LANCL3: variants seen among roughly 807,000 people sequenced by gnomAD.
LANCL3 encodes LanC like family member 3, also known as lanC-like protein 3.
Under a neutral mutation model 26.5 loss-of-function variants are expected in LANCL3, and 19 were observed. The ratio of observed to expected loss-of-function variants is 0.72; its 90% CI spans 0.50 to 1.05. The LOEUF (loss-of-function observed/expected upper bound fraction) is 1.05. LANCL3 is among the 50% of genes least tolerant of loss of function. LANCL3 has a pLI of 0.00. For missense variants in LANCL3, 318 were observed against 362.7 expected (o/e 0.88, Z 1.00); for synonymous variants, 160 against 166.6 (o/e 0.96, Z 0.30).
chrX:37,632,879 C>T lies in LANCL3; in HGVS notation c.574-22809C>T, dbSNP rs781822266. Among the ~76,000 whole-genome samples the T allele has an allele frequency of 1.8e-3, 202 of 111,501 alleles. 1 individual carries two copies. Among genetic ancestry groups the T allele is most frequent in the African/African-American group, 6.5e-3 (200 of 30,691 alleles). On this transcript the variant is annotated intron_variant, in intron 1 of 4. Transcript: ENST00000378619. ...TAACCCGACCTTTCTCTCTGGCTGC[C>T]CTTAACATTTTTTCCTTCATTTCAA...
Position 37,675,651 on chromosome X carries a change from T to G in LANCL3, c.1104-3T>G. 1 of 1,113,553 alleles carries G rather than the reference T, an allele frequency of 9.0e-7. No homozygotes were observed. The highest frequency in any genetic ancestry group is 1.2e-6 in the Non-Finnish European group (1 of 843,620). The allele number at this position is 1,113,553 out of a possible 1,213,427, so 91.8% of individuals were successfully genotyped here. ...AACTGTTCATATTTTCTTCTTCTCT[T>G]AGGTTTGCTCAATTCTTATTTACCG... is the stretch of plus-strand genomic sequence containing the variant. On this transcript the variant is annotated splice_region_variant and splice_polypyrimidine_tract_variant and intron_variant, in intron 4 of 4. Coordinates refer to ENST00000378619, the MANE Select transcript of LANCL3 (RefSeq NM_001170331.2).
intron 1 of LANCL3, among the ~76,000 whole-genome samples, chrX:37,603,692 T>A (rs1294742237): frequency 2.7e-5 from 3 of 112,243 alleles, no homozygotes; most frequent in African/African-American, 9.7e-5. Context: ...CTACTTGGTG[T>A]GACTTTGAAA....
chrX:37,662,460 A>G (rs1222587393), intron 3 of LANCL3, among the ~76,000 whole-genome samples: 1 of 111,815 alleles, frequency 8.9e-6, no homozygotes, highest in Admixed American at 9.5e-5. Context: ...ATAAAGAACA[A>G]CAAGGCTTTT....
At chrX:37,671,615 G>T (rs1926686310) in intron 4 of LANCL3, among the ~76,000 whole-genome samples, 1 of 110,335 alleles carries the variant, frequency 9.1e-6, no homozygotes, top group Non-Finnish European at 1.9e-5. Context: ...CCATTAGGAT[G>T]CCAGGTACAC....
chrX:37,621,151 C>T (rs1925146470), intron 1 of LANCL3, among the ~76,000 whole-genome samples: 1 of 112,201 alleles, frequency 8.9e-6, no homozygotes, highest in African/African-American at 3.2e-5. Context: ...TTGGATATCT[C>T]AGTAACAAGA....
At chrX:37,650,776 A>C (rs1327337277) in intron 1 of LANCL3, among the ~76,000 whole-genome samples, 1 of 104,645 alleles carries the variant, frequency 9.6e-6, no homozygotes, top group Non-Finnish European at 1.9e-5. Flanking sequence ...TCTAGGGTAC[A>C]TGTGCACAAT....
At position 37,572,323 on chromosome X, in the gene LANCL3, G is replaced by C; in HGVS notation, c.453G>C (p.Arg151=). 1 of 1,162,997 alleles carries C rather than the reference G, an allele frequency of 8.6e-7. No homozygotes were observed. Among genetic ancestry groups the C allele is most frequent in the Middle Eastern group, 2.6e-4 (1 of 3,919 alleles). ...ACGTGCAGCCGCTGGGCAAGTTCCG[G>C]GCTCTGTGTGCCGTCTGCGCGCCGG... ...SDYVQPLGKF[R]ALCAVCAPVS... Residue 151 remains arginine (R), a synonymous_variant, in exon 1 of 5, where the codon CGG becomes CGC. Transcript: ENST00000378619.
intron 1 of LANCL3, among the ~76,000 whole-genome samples, chrX:37,624,098 T>G (rs1273220195): frequency 8.9e-6 from 1 of 111,759 alleles, no homozygotes; most frequent in Non-Finnish European, 1.9e-5. Context: ...TCTTTGTATA[T>G]CTGGGAAAAT....
intron 1 of LANCL3, among the ~76,000 whole-genome samples, chrX:37,643,474 A>C (rs1925918548): frequency 8.9e-6 from 1 of 112,195 alleles, no homozygotes; most frequent in East Asian, 2.8e-4. Context: ...ATTTTTCCAG[A>C]TGAGGAACTG....
At chrX:37,616,836 CTTGT>C (rs1602109666) in intron 1 of LANCL3, among the ~76,000 whole-genome samples, 1 of 111,570 alleles carries the variant, frequency 9.0e-6, no homozygotes, top group Non-Finnish European at 1.9e-5. Flanking sequence ...CATCTAGGGA[CTTGT>C]TTGATATTCA....
chrX:37,619,253 T>C (rs1480259846), intron 1 of LANCL3, among the ~76,000 whole-genome samples: 1 of 112,076 alleles, frequency 8.9e-6, no homozygotes, highest in African/African-American at 3.2e-5. Context: ...CATTACCTTG[T>C]ATAGCACTTT....
chrX:37,636,697 C>T (rs1408003292), intron 1 of LANCL3, among the ~76,000 whole-genome samples: 2 of 111,538 alleles, frequency 1.8e-5, no homozygotes, highest in African/African-American at 3.3e-5. Flanking sequence ...TGTGGAGTGA[C>T]TATGATTGCA....
chrX:37,634,137 G>A (rs1393202049), intron 1 of LANCL3, among the ~76,000 whole-genome samples: 1 of 112,678 alleles, frequency 8.9e-6, no homozygotes, highest in Non-Finnish European at 1.9e-5. Flanking sequence ...CTGGGCAATG[G>A]CGGGCGCCCC....
chrX:37,664,868 C>T (rs1926507414), intron 3 of LANCL3, among the ~76,000 whole-genome samples: 1 of 111,765 alleles, frequency 8.9e-6, no homozygotes, highest in Non-Finnish European at 1.9e-5. Flanking sequence ...GCCTCCAGCA[C>T]CATCCATGTT....
intron 1 of LANCL3, among the ~76,000 whole-genome samples, chrX:37,598,923 C>G (rs1333817260): frequency 8.9e-6 from 1 of 112,460 alleles, no homozygotes; most frequent in African/African-American, 3.2e-5. Context: ...GAGTCACGTC[C>G]TACTGCCTCC....
At chrX:37,654,106 A>G (rs1432646775) in intron 1 of LANCL3, among the ~76,000 whole-genome samples, 2 of 112,081 alleles carry the variant, frequency 1.8e-5, no homozygotes, top group African/African-American at 3.2e-5. Context: ...TGGTTTCTCA[A>G]ATTTCTCCAC....
At chrX:37,615,026 TTTTTATTATTATCCCCA>T (rs1924968406) in intron 1 of LANCL3, among the ~76,000 whole-genome samples, 1 of 111,868 alleles carries the variant, frequency 8.9e-6, no homozygotes, top group Non-Finnish European at 1.9e-5. Flanking sequence ...ATGAGTTGGG[TTTTTATTATTATCCCCA>T]TTTTACGGTG....
chrX:37,623,750 C>T (rs1357227882), intron 1 of LANCL3, among the ~76,000 whole-genome samples: 1 of 111,858 alleles, frequency 8.9e-6, no homozygotes, highest in Non-Finnish European at 1.9e-5. Context: ...GTCTTTCTCT[C>T]ACCTCAGATT....
At chrX:37,654,584 G>A (rs1926237249) in intron 1 of LANCL3, among the ~76,000 whole-genome samples, 1 of 112,048 alleles carries the variant, frequency 8.9e-6, no homozygotes, top group Non-Finnish European at 1.9e-5. Context: ...GAACAGTCTT[G>A]CCTGGAATGT....
Sources: allele counts gnomAD v4.1 joint callset (sites outside exome capture counted in the v4.1 genomes callset), GRCh38; gene constraint gnomAD v4.1.1; transcripts MANE v1.5; gene names NCBI Gene and HGNC (gene_info 2026-07-23, HGNC 2026-07-21).